TSPAN15: variants seen among roughly 807,000 people sequenced by gnomAD.
TSPAN15 encodes tetraspanin 15.
Under a neutral mutation model 34.5 loss-of-function variants are expected in TSPAN15, and 20 were observed. The observed-to-expected ratio is 0.58, with a 90% CI of 0.41 to 0.84. The LOEUF is 0.84. Ranked by LOEUF, TSPAN15 falls within the 40% of genes least tolerant of loss-of-function variation. TSPAN15 has a pLI of 0.00. For missense variants in TSPAN15, 313 were observed against 386.1 expected (o/e 0.81, Z 1.59); for synonymous variants, 155 against 153.9 (o/e 1.01, Z -0.05).
chr10:69,539,426 A>AAG, the TSPAN15 span, among the ~76,000 whole-genome samples: 77 of 111,956 alleles, frequency 6.9e-4, 2 homozygotes, highest in African/African-American at 1.8e-3. Flanking sequence ...GAAGAAGAAG[A>AAG]AAGAAGAAGA....
At chr10:69,533,451 T>C in the TSPAN15 span, among the ~76,000 whole-genome samples, 1 of 152,122 alleles carries the variant, frequency 6.6e-6, no homozygotes, top group East Asian at 1.9e-4. Flanking sequence ...CACTGACATG[T>C]GGGAGCCAAG....
rs542052055 is a variant in TSPAN15, at chr10:69,464,184, G to T, written c.96+12494G>T. ...GGCTCACCAGACACCTTGGCCTCTG[G>T]CCTCCAGAACTGTGAGAGATTAAAC... On this transcript the variant is annotated intron_variant, in intron 1 of 7. Transcript: ENST00000373290. Among the ~76,000 whole-genome samples, 17 of 152,376 alleles carry T rather than the reference G, an allele frequency of 1.1e-4. No individual in the cohort carries two copies. The South Asian group carries it at 3.5e-3, about 32-fold the overall frequency.
At chr10:69,471,161 A>G (rs964871319) in intron 1 of TSPAN15, among the ~76,000 whole-genome samples, 3 of 152,218 alleles carry the variant, frequency 2.0e-5, no homozygotes, top group African/African-American at 7.2e-5. Flanking sequence ...GCTCCACCAA[A>G]GCTGGGATTT....
At chr10:69,529,289 C>A in the TSPAN15 span, among the ~76,000 whole-genome samples, 5 of 148,014 alleles carry the variant, frequency 3.4e-5, 2 homozygotes, top group Admixed American at 3.5e-4. Flanking sequence ...TTGGCTCCCA[C>A]TGGCTCCATG....
intron 1 of TSPAN15, among the ~76,000 whole-genome samples, chr10:69,478,464 C>G (rs562487292): frequency 1.2e-4 from 19 of 152,284 alleles, no homozygotes; most frequent in Non-Finnish European, 2.2e-4. Context: ...TCAGGGCCTT[C>G]CAGGAAATGC....
intron 1 of TSPAN15, among the ~76,000 whole-genome samples, chr10:69,473,441 C>A (rs948731701): frequency 6.6e-6 from 1 of 152,082 alleles, no homozygotes; most frequent in Non-Finnish European, 1.5e-5. Context: ...TTTACCCTTG[C>A]GGAAATGTGA....
At chr10:69,534,557 G>A in the TSPAN15 span, among the ~76,000 whole-genome samples, 1 of 152,128 alleles carries the variant, frequency 6.6e-6, no homozygotes, top group Admixed American at 6.5e-5. Flanking sequence ...TGATACTGTT[G>A]TGTGTACAAT....
intron 1 of TSPAN15, among the ~76,000 whole-genome samples, chr10:69,464,386 G>A (rs10998794): frequency 0.4 from 59,835 of 151,436 alleles, 12,312 homozygotes; most frequent in Non-Finnish European, 0.45. Flanking sequence ...GGAGTGGGGC[G>A]AGAACAGAGG....
rs1186662942 is a variant in TSPAN15 at position 69,507,635 on chromosome 10, C to T, written c.*657C>T. The T allele has an allele frequency of 1.0e-6, 1 of 991,180 alleles. No individual in the cohort carries two copies. Among genetic ancestry groups the T allele is most frequent in the Non-Finnish European group, 1.4e-6 (1 of 722,886 alleles). The allele number at this position is 991,180 out of a possible 1,614,324, so 61.4% of individuals were successfully genotyped here. On this transcript the variant is annotated 3_prime_UTR_variant, in exon 8 of 8. Transcript: ENST00000373290. ...CCCTTCCCCCAACCAGTTTGTTAAT[C>T]AAACAATAAAAACATGTTTTTTTTT... is the stretch of plus-strand genomic sequence containing the variant.
At chr10:69,483,623 G>T in intron 1 of TSPAN15, 68 bp from the exon 2 acceptor site, 1 of 1,524,996 alleles carries the variant, frequency 6.6e-7, no homozygotes, top group Non-Finnish European at 8.9e-7. Context: ...CACAGCCCCA[G>T]ATGACTCTTT....
the TSPAN15 span, among the ~76,000 whole-genome samples, chr10:69,531,072 G>A: frequency 9.0e-5 from 13 of 144,990 alleles, 2 homozygotes; most frequent in South Asian, 1.7e-3. Flanking sequence ...AAAACTGCTC[G>A]GAACAGGAAA....
intron 1 of TSPAN15, among the ~76,000 whole-genome samples, chr10:69,482,066 T>G (rs917236122): frequency 7.0e-6 from 1 of 143,168 alleles, no homozygotes; most frequent in East Asian, 2.0e-4. Context: ...GGAAGACAAA[T>G]TCAAAAAAAA....
chr10:69,524,724 A>C, the TSPAN15 span, among the ~76,000 whole-genome samples: 1 of 147,602 alleles, frequency 6.8e-6, no homozygotes, highest in East Asian at 2.5e-4. Context: ...GACAAAAAAA[A>C]TAGACAAGGA....
At chr10:69,522,600 G>C in the TSPAN15 span, among the ~76,000 whole-genome samples, 1 of 146,922 alleles carries the variant, frequency 6.8e-6, no homozygotes, top group Non-Finnish European at 1.5e-5. Flanking sequence ...GGGTGAGCAA[G>C]CATTTCCACC....
intron 1 of TSPAN15, among the ~76,000 whole-genome samples, chr10:69,479,328 C>T (rs1241574604): frequency 6.6e-6 from 1 of 152,250 alleles, no homozygotes; most frequent in African/African-American, 2.4e-5. Flanking sequence ...GGAACTGGGC[C>T]TCTCCCTGCA....
intron 3 of TSPAN15, among the ~76,000 whole-genome samples, chr10:69,486,428 T>G (rs1841854978): frequency 1.3e-5 from 2 of 152,182 alleles, no homozygotes; most frequent in Admixed American, 1.3e-4. Context: ...AGTTATCTTT[T>G]TTTTTAAAAA....
the TSPAN15 span, among the ~76,000 whole-genome samples, chr10:69,539,422 G>A: frequency 7.2e-6 from 1 of 139,012 alleles, no homozygotes; most frequent in African/African-American, 2.8e-5. Flanking sequence ...AGAGGAAGAA[G>A]AAGAAAGAAG....
chr10:69,542,301 C>G, the TSPAN15 span, among the ~76,000 whole-genome samples: 1 of 152,310 alleles, frequency 6.6e-6, no homozygotes, highest in East Asian at 1.9e-4. Flanking sequence ...GCATTTTGGT[C>G]AAAGCCATTC....
the TSPAN15 span, among the ~76,000 whole-genome samples, chr10:69,531,800 T>C: frequency 6.6e-6 from 1 of 151,628 alleles, no homozygotes; most frequent in African/African-American, 2.4e-5. Context: ...TTCAACAAAA[T>C]CCAGCATCAC....
Sources: gnomAD v4.1 joint callset for allele counts (sites outside exome capture counted in the v4.1 genomes callset) on GRCh38, gnomAD v4.1.1 for gene constraint, MANE v1.5 for transcripts, NCBI Gene and HGNC (gene_info 2026-07-23, HGNC 2026-07-21) for gene names.